MGAT4C: variants seen among roughly 807,000 people sequenced by gnomAD.
MGAT4C encodes the protein alpha-1,3-mannosyl-glycoprotein 4-beta-N-acetylglucosaminyltransferase C.
In MGAT4C, 19 loss-of-function variants were observed where a neutral mutation model predicts 40.1. That is an observed-to-expected ratio of 0.47 (90% CI 0.33 to 0.70). MGAT4C has a LOEUF of 0.70. Ranked by LOEUF, MGAT4C falls within the 30% of genes least tolerant of loss-of-function variation. MGAT4C has a pLI of 0.02. For missense variants in MGAT4C, 491 were observed against 563.2 expected, an observed-to-expected ratio of 0.87 and a Z score of 1.30; for synonymous variants, 181 against 187.1, an observed-to-expected ratio of 0.97 and a Z score of 0.27.
chr12:86,600,129 T>C (rs1223076157), intron 2 of MGAT4C, among the ~76,000 whole-genome samples: 1 of 152,148 alleles, frequency 6.6e-6, no homozygotes, highest in Non-Finnish European at 1.5e-5. Flanking sequence ...CTTCTACAGG[T>C]TATATTTACT....
At chr12:85,998,414 C>A (rs1235206507) in intron 2 of MGAT4C, among the ~76,000 whole-genome samples, 3 of 152,132 alleles carry the variant, frequency 2.0e-5, no homozygotes, top group South Asian at 2.1e-4. Flanking sequence ...AGCTGGCTTG[C>A]GTTTCTCTTC....
At chr12:86,782,413 C>A (rs1951862801) in intron 1 of MGAT4C, among the ~76,000 whole-genome samples, 1 of 151,954 alleles carries the variant, frequency 6.6e-6, no homozygotes. Context: ...AATCTCCTGA[C>A]CTCGTGATCC....
chr12:86,285,451 TACAC>T, intron 4 of MGAT4C, among the ~76,000 whole-genome samples: 1 of 152,114 alleles, frequency 6.6e-6, no homozygotes, highest in South Asian at 2.1e-4. Context: ...ACACACAACA[TACAC>T]ACAAAATGCA....
intron 2 of MGAT4C, among the ~76,000 whole-genome samples, chr12:86,660,458 T>G (rs1963953519): frequency 6.6e-6 from 1 of 152,202 alleles, no homozygotes; most frequent in Admixed American, 6.5e-5. Context: ...AGATATGCAT[T>G]AAATATCTAT....
At chr12:86,436,242 A>T (rs1957135738) in intron 2 of MGAT4C, among the ~76,000 whole-genome samples, 1 of 142,288 alleles carries the variant, frequency 7.0e-6, no homozygotes, top group Non-Finnish European at 1.6e-5. Context: ...CAACAAAACA[A>T]TTTTGTGCAA....
intron 1 of MGAT4C, among the ~76,000 whole-genome samples, chr12:86,728,803 T>C (rs1243247611): frequency 6.6e-6 from 1 of 152,252 alleles, no homozygotes; most frequent in East Asian, 1.9e-4. Flanking sequence ...TTGTCTAGTG[T>C]ACAAATATAT....
intron 1 of MGAT4C, among the ~76,000 whole-genome samples, chr12:86,797,346 A>C (rs943298064): frequency 1.3e-5 from 2 of 151,478 alleles, no homozygotes; most frequent in South Asian, 2.1e-4. Flanking sequence ...TTTTCTTTCA[A>C]GTTTTTTTTT....
intron 1 of MGAT4C, among the ~76,000 whole-genome samples, chr12:86,801,934 T>C (rs1448665234): frequency 6.6e-6 from 1 of 151,886 alleles, no homozygotes; most frequent in Admixed American, 6.6e-5. Context: ...TTTTAAACCT[T>C]ATGTAAATAT....
At chr12:86,510,596 A>T (rs1220884857) in intron 2 of MGAT4C, among the ~76,000 whole-genome samples, 1 of 152,176 alleles carries the variant, frequency 6.6e-6, no homozygotes, top group Non-Finnish European at 1.5e-5. Flanking sequence ...CAGGAAACCC[A>T]TCTCACATGC....
At chr12:86,556,021 T>C (rs1159574316) in intron 2 of MGAT4C, among the ~76,000 whole-genome samples, 1 of 152,246 alleles carries the variant, frequency 6.6e-6, no homozygotes, top group Non-Finnish European at 1.5e-5. Flanking sequence ...GCATGTAATA[T>C]GTAGAACTGA....
At chr12:86,095,923 T>A (rs138082039) in intron 1 of MGAT4C, among the ~76,000 whole-genome samples, 1 of 151,984 alleles carries the variant, frequency 6.6e-6, no homozygotes, top group South Asian at 2.1e-4. Flanking sequence ...CTGCTTACAT[T>A]GATATTTCTC....
intron 1 of MGAT4C, among the ~76,000 whole-genome samples, chr12:86,759,195 A>G (rs776754934): frequency 6.6e-6 from 1 of 152,110 alleles, no homozygotes; most frequent in Non-Finnish European, 1.5e-5. Context: ...AGCTTCATTC[A>G]TGATGCTGCA....
chr12:85,960,062 A>T lies in MGAT4C; in HGVS notation c.*19227T>A, dbSNP rs1883029571. The T allele has an allele frequency of 6.6e-6, 1 of 151,970 alleles. No individual in the cohort carries two copies. Among genetic ancestry groups the T allele is most frequent in the African/African-American group, 2.4e-5 (1 of 41,446 alleles). 9.4% of individuals were successfully genotyped at this position (151,970 alleles called of 1,614,324 possible). On this transcript the variant is annotated 3_prime_UTR_variant, in exon 5 of 5. Coordinates refer to ENST00000611864, the MANE Select transcript of MGAT4C (RefSeq NM_001351288.2). Reference sequence around the variant, plus strand: ...TAAAGAAAATTGTTGCACGGACTACATTGATTAGAGTCTAATTTTTGGAAA... The same window carrying T: ...TAAAGAAAATTGTTGCACGGACTACTTTGATTAGAGTCTAATTTTTGGAAA...
At position 85,979,588 on chromosome 12, in the gene MGAT4C, C is replaced by T. The variant is rs767487110; in HGVS notation, c.1138G>A (p.Val380Met). The change falls in exon 5 of 5, where the codon GTG (valine) becomes ATG (methionine). Residue 380 changes from valine to methionine, a missense_variant. By Grantham distance (21) the Val-to-Met change is conservative (BLOSUM62 1). Coordinates refer to ENST00000611864, the MANE Select transcript of MGAT4C (RefSeq NM_001351288.2). ...ATAATTGGATTTTCAAATACAATCACAAAAACATCTCCTGTTGAAGGTGGT... is the reference window on the plus strand; with the variant it reads ...ATAATTGGATTTTCAAATACAATCATAAAAACATCTCCTGTTGAAGGTGGT... ...GKPPSTGDVF[V>M]IVFENPIIIK... 1.1e-4 allele frequency: 184 copies of T among 1,608,402 alleles called. No homozygotes were observed. The highest frequency in any genetic ancestry group is 1.5e-4 in the Non-Finnish European group (178 of 1,178,006).
intron 3 of MGAT4C, among the ~76,000 whole-genome samples, chr12:86,363,824 T>C (rs546706169): frequency 1.3e-5 from 2 of 152,058 alleles, no homozygotes; most frequent in East Asian, 1.9e-4. Context: ...ACAAAGCCCA[T>C]AGCTATTCAA....
intron 2 of MGAT4C, chr12:86,013,649 T>C: frequency 1.3e-6 from 1 of 741,544 alleles, no homozygotes; most frequent in Non-Finnish European, 1.6e-6. Context: ...GAACGTGTAC[T>C]ATTCTTTCGT....
intron 2 of MGAT4C, among the ~76,000 whole-genome samples, chr12:86,438,809 C>A (rs541840280): frequency 5.3e-5 from 8 of 151,498 alleles, no homozygotes; most frequent in Admixed American, 1.3e-4. Context: ...AAACTGAGGG[C>A]AAGCAGGAGT....
At chr12:86,113,362 T>C (rs1037620131) in intron 1 of MGAT4C, among the ~76,000 whole-genome samples, 1 of 151,872 alleles carries the variant, frequency 6.6e-6, no homozygotes. Context: ...TTTGCTTTTC[T>C]GCCTGAGCTG....
At chr12:86,670,215 G>A (rs1440651947) in intron 2 of MGAT4C, among the ~76,000 whole-genome samples, 1 of 151,990 alleles carries the variant, frequency 6.6e-6, no homozygotes, top group Non-Finnish European at 1.5e-5. Flanking sequence ...TAACCAAAAT[G>A]GAAAATCAGA....
Sources: allele counts gnomAD v4.1 joint callset (sites outside exome capture counted in the v4.1 genomes callset), GRCh38; gene constraint gnomAD v4.1.1; transcripts MANE v1.5; gene names NCBI Gene and HGNC (gene_info 2026-07-23, HGNC 2026-07-21).